Variants in ZNF423 observed in about 807,000 individuals in gnomAD.
The protein encoded by ZNF423 is zinc finger protein 423, also known as Ebf-associated zinc finger protein.
Under a neutral mutation model 95.8 loss-of-function variants are expected in ZNF423, and 12 were observed. The observed-to-expected ratio is 0.13, with a 90% CI of 0.08 to 0.20. The LOEUF is 0.20. Ranked by LOEUF, ZNF423 falls within the 10% of genes least tolerant of loss-of-function variation. The probability of loss-of-function intolerance (pLI) is 1.00; values close to 1 mark genes in which losing one functional copy is unlikely to be tolerated. For missense variants in ZNF423, 1,316 were observed against 1,737.1 expected, an observed-to-expected ratio of 0.76 and a Z score of 4.31; for synonymous variants, 749 against 711.9, an observed-to-expected ratio of 1.05 and a Z score of -0.83.
chr16:49,488,549 T>G lies in ZNF423; in HGVS notation c.*2726A>C, dbSNP rs1185928755. The G allele has an allele frequency of 6.6e-6, 1 of 152,166 alleles. No homozygotes were observed. Among genetic ancestry groups the G allele is most frequent in the Non-Finnish European group, 1.5e-5 (1 of 68,054 alleles). 9.4% of individuals were successfully genotyped at this position (152,166 alleles called of 1,614,324 possible). ...GCTGATTCCATCGCGCCCTCCTGGCTGAAAAGGTGCCCTCCTGCAGGATGC... is the reference window on the plus strand; with the variant it reads ...GCTGATTCCATCGCGCCCTCCTGGCGGAAAAGGTGCCCTCCTGCAGGATGC... On this transcript the variant is annotated 3_prime_UTR_variant, in exon 8 of 8. Coordinates refer to ENST00000563137, the MANE Select transcript of ZNF423 (RefSeq NM_001379286.1).
chr16:49,560,843 T>C (rs567151421), intron 5 of ZNF423, among the ~76,000 whole-genome samples: 9 of 152,304 alleles, frequency 5.9e-5, no homozygotes, highest in African/African-American at 1.9e-4. Context: ...GCCTGGATTC[T>C]CCCCCTCCTT....
chr16:49,517,712 T>C, intron 7 of ZNF423: 1 of 241,354 alleles, frequency 4.1e-6, no homozygotes, highest in Non-Finnish European at 8.2e-6. Context: ...GGCCAGTTAA[T>C]GGTGAGTTTC....
At chr16:49,493,431 G>T (rs1967048522) in intron 7 of ZNF423, among the ~76,000 whole-genome samples, 1 of 152,164 alleles carries the variant, frequency 6.6e-6, no homozygotes, top group Non-Finnish European at 1.5e-5. Context: ...CCCAGGGCTG[G>T]GCATGCACTG....
intron 3 of ZNF423, among the ~76,000 whole-genome samples, chr16:49,653,985 C>A (rs978369120): frequency 6.6e-6 from 1 of 152,206 alleles, no homozygotes; most frequent in South Asian, 2.1e-4. Context: ...CCAAGCTCTT[C>A]GTAAGCTCCA....
Position 49,636,659 on chromosome 16 carries a change from A to C in ZNF423, c.2517T>G (p.Cys839Trp). 1.9e-6 allele frequency: 3 copies of C among 1,613,862 alleles called. No homozygotes were observed. The highest frequency in any genetic ancestry group is 1.7e-6 in the Non-Finnish European group (2 of 1,179,964). ...LLEKHLREKH[C>W]VFDAATENGT... ...CGTTCTCGGTCGCAGCATCAAACAC[A>C]CAGTGCTTCTCCCGCAGGTGCTTCT... Residue 839 changes from cysteine (C) to tryptophan (W), a missense_variant, in exon 4 of 8, where the codon TGT becomes TGG. This residue lies in a region of ZNF423 where 620 missense variants were observed against 775.6 expected (regional missense o/e 0.80). Transcript: ENST00000563137. This position sits in a 1 kb window ranked among gnomAD's most constrained non-coding sequence, Gnocchi z 8.6.
intron 3 of ZNF423, among the ~76,000 whole-genome samples, chr16:49,659,546 T>A (rs1279620744): frequency 1.3e-5 from 2 of 152,218 alleles, no homozygotes. Context: ...GCCAGGAGAA[T>A]CTGGCCACCT....
At chr16:49,517,173 C>A (rs1254289911) in intron 7 of ZNF423, among the ~76,000 whole-genome samples, 3 of 152,156 alleles carry the variant, frequency 2.0e-5, no homozygotes, top group Non-Finnish European at 4.4e-5. Context: ...ATAGGGCTGC[C>A]AAAAACCCAA....
chr16:49,617,825 C>T (rs1476536313), intron 5 of ZNF423, among the ~76,000 whole-genome samples: 1 of 152,198 alleles, frequency 6.6e-6, no homozygotes, highest in Non-Finnish European at 1.5e-5. Context: ...ACACCCAGGA[C>T]ACAATGGCCA....
chr16:49,610,178 A>G (rs1295478616), intron 5 of ZNF423, among the ~76,000 whole-genome samples: 1 of 152,212 alleles, frequency 6.6e-6, no homozygotes, highest in Admixed American at 6.5e-5. Flanking sequence ...AATCACCCTA[A>G]AAAGAATGGT....
At chr16:49,681,986 C>G (rs1315094219) in intron 3 of ZNF423, among the ~76,000 whole-genome samples, 2 of 151,580 alleles carry the variant, frequency 1.3e-5, no homozygotes, top group African/African-American at 2.4e-5. Context: ...CCACCCCTCA[C>G]AGCCCCCATG....
chr16:49,811,282 G>A (rs931296956), intron 1 of ZNF423, among the ~76,000 whole-genome samples: 13 of 152,130 alleles, frequency 8.5e-5, no homozygotes, highest in African/African-American at 1.9e-4. Context: ...ACCAAGCAGC[G>A]GTAGAGAGAC....
intron 1 of ZNF423, among the ~76,000 whole-genome samples, chr16:49,849,941 AG>A (rs1448009299): frequency 6.6e-6 from 1 of 152,230 alleles, no homozygotes; most frequent in Non-Finnish European, 1.5e-5. Flanking sequence ...TAGCTTTCAA[AG>A]GGATATTACC....
At chr16:49,734,798 A>G (rs1333515237) in intron 2 of ZNF423, among the ~76,000 whole-genome samples, 3 of 152,204 alleles carry the variant, frequency 2.0e-5, no homozygotes, top group Non-Finnish European at 2.9e-5. Flanking sequence ...TGATGTGCAC[A>G]CCTGCATCCT....
rs562754980 is a variant in ZNF423, at chr16:49,672,241, G to GAA, written c.302-33369_302-33368dup. Among the ~76,000 whole-genome samples, 591 of 150,372 alleles carry GAA rather than the reference G, an allele frequency of 3.9e-3. 8 individuals are homozygous for GAA. Among genetic ancestry groups the GAA allele is most frequent in the African/African-American group, 0.013 (546 of 41,026 alleles). ...AAACTTGGCTGCCAAATACATTACA[G>GAA]AAAAAAAAAATTCAGGTTTCTGGCT... On this transcript the variant is annotated intron_variant, in intron 3 of 7. Transcript: ENST00000563137.
chr16:49,660,387 CGAATGAATGAATGAAT>C (rs34713592), intron 3 of ZNF423, among the ~76,000 whole-genome samples: 1 of 151,320 alleles, frequency 6.6e-6, no homozygotes, highest in African/African-American at 2.4e-5. Context: ...AATGAGAAAA[CGAATGAATGAATGAAT>C]GAATGAATGA....
In ZNF423 at chr16:49,638,117, G is replaced by A; in HGVS notation, c.1059C>T (p.His353=). ...VEGVYCHLDS[H]RQPDSSNHSV... ...TGTGGTTGCTGGAGTCGGGCTGCCG[G>A]TGGCTGTCCAGGTGGCAGTAGACAC... Residue 353 remains histidine, a synonymous_variant, in exon 4 of 8, where the codon CAC becomes CAT. Transcript: ENST00000563137. The surrounding 1 kb of genome is among the most constrained non-coding windows in gnomAD (Gnocchi z 5.6). 1 of 1,613,186 alleles carries A rather than the reference G, an allele frequency of 6.2e-7. No homozygotes were observed. Among genetic ancestry groups the A allele is most frequent in the Non-Finnish European group, 8.5e-7 (1 of 1,180,012 alleles).
chr16:49,733,941 T>C (rs1397205290), intron 2 of ZNF423, among the ~76,000 whole-genome samples: 5 of 152,244 alleles, frequency 3.3e-5, no homozygotes, highest in Non-Finnish European at 7.3e-5. Flanking sequence ...GGTGTTATTT[T>C]TCCATTTGCA....
At chr16:49,744,515 C>T (rs2033482408) in intron 2 of ZNF423, among the ~76,000 whole-genome samples, 1 of 149,640 alleles carries the variant, frequency 6.7e-6, no homozygotes. Context: ...TGTCCCCACG[C>T]TCAGCACACA....
At chr16:49,588,661 TG>T (rs1311059989) in intron 5 of ZNF423, among the ~76,000 whole-genome samples, 1 of 152,228 alleles carries the variant, frequency 6.6e-6, no homozygotes, top group African/African-American at 2.4e-5. Context: ...GTTTATAACA[TG>T]AGATGTTTTA....
Sources: allele counts gnomAD v4.1 joint callset (sites outside exome capture counted in the v4.1 genomes callset), GRCh38; gene constraint gnomAD v4.1.1; regional missense constraint gnomAD v4.1.1; non-coding constraint Gnocchi (gnomAD v3.1); transcripts MANE v1.5; gene names NCBI Gene and HGNC (gene_info 2026-07-23, HGNC 2026-07-21).